The following EPX variants were observed in gnomAD, a reference collection of about 807,000 sequenced individuals.
EPX encodes the protein eosinophil peroxidase.
Under a neutral mutation model 73.0 loss-of-function variants are expected in EPX, and 60 were observed. The observed-to-expected ratio is 0.82, with a 90% CI of 0.67 to 1.02. The LOEUF is 1.02. Among genes scored for constraint, EPX ranks in the 50% least tolerant of loss-of-function variants. EPX has a pLI of 0.00. For synonymous variants in EPX, 347 were observed against 389.2 expected (o/e 0.89, Z 1.28); for missense variants, 950 against 973.9 (o/e 0.98, Z 0.33).
chr17:58,197,173 C>T lies in EPX; in HGVS notation c.1036C>T (p.Arg346Trp), dbSNP rs144510100. Residue 346 changes from arginine (R) to tryptophan (W), a missense_variant, in exon 7 of 13, where the codon CGG (arginine) becomes TGG (tryptophan). Physicochemically the swap from Arg to Trp is moderately radical, Grantham distance 101 (BLOSUM62 -3). Coordinates refer to ENST00000225371, the MANE Select transcript of EPX (RefSeq NM_000502.6). ...CAACCAGCGCTTTCAAGACAACGGC[C>T]GGGCCCTGCTGCCCTTCGACAACCT... ...AINQRFQDNG[R>W]ALLPFDNLHD... 48 of 1,614,068 alleles carry T rather than the reference C, an allele frequency of 3.0e-5. No homozygotes were observed. In the East Asian group the frequency reaches 7.8e-4, roughly 26 times the overall value.
Position 58,193,751 on chromosome 17 carries a change from G to A in EPX, c.384G>A (p.Gln128=), listed in dbSNP as rs1226688425. 2.5e-6 allele frequency: 4 copies of A among 1,612,488 alleles called. No individual in the cohort carries two copies. Among genetic ancestry groups the A allele is most frequent in the Non-Finnish European group, 3.4e-6 (4 of 1,179,938 alleles). The change falls in exon 4 of 13, where the codon CAG becomes CAA. Residue 128 remains glutamine (Q), a synonymous_variant. Coordinates refer to ENST00000225371, the MANE Select transcript of EPX (RefSeq NM_000502.6). ...LTEPQLRLLS[Q]ASGCALRDQA... Reference sequence around the variant, plus strand: ...AACCACAGCTGCGGCTGCTGTCCCAGGCCAGTGGCTGTGCTCTCCGGGACC... The same window carrying A: ...AACCACAGCTGCGGCTGCTGTCCCAAGCCAGTGGCTGTGCTCTCCGGGACC...
In EPX at chr17:58,193,332, C is replaced by T. The variant is rs377239846; in HGVS notation, c.171-39C>T. ...ACTGGGTCTCTGCTGGGTGGGTCTG[C>T]ACCCTCTCTCCAGCCCTCACTCCTC... On this transcript the variant is annotated intron_variant, in intron 2 of 12. Coordinates refer to ENST00000225371, the MANE Select transcript of EPX (RefSeq NM_000502.6). 698 of 1,609,136 alleles carry T rather than the reference C, an allele frequency of 4.3e-4. 4 individuals carry two copies. The highest frequency in any genetic ancestry group is 5.5e-4 in the Non-Finnish European group (647 of 1,175,864).
At chr17:58,199,263 A>C in intron 8 of EPX, 63 bp downstream of exon 8, 2 of 1,553,596 alleles carry the variant, frequency 1.3e-6, no homozygotes, top group Non-Finnish European at 1.8e-6. Context: ...GCAGTCCTTA[A>C]CACATCCTTG....
intron 3 of EPX, 55 bp downstream of exon 3, chr17:58,193,601 A>G: frequency 6.3e-7 from 1 of 1,588,100 alleles, no homozygotes; most frequent in Non-Finnish European, 8.6e-7. Flanking sequence ...AGTAGAAGGA[A>G]TCCAGGAGAG....
chr17:58,198,973 G>T (rs958322870), intron 7 of EPX, 67 bp from the exon 8 acceptor site: 2 of 1,551,778 alleles, frequency 1.3e-6, no homozygotes, highest in Non-Finnish European at 1.8e-6. Flanking sequence ...CCAGCCCTGG[G>T]TCTACCCTGG....
At position 58,193,573 on chromosome 17, in the gene EPX, G is replaced by A. The variant is rs774731410; in HGVS notation, c.346+27G>A. On this transcript the variant is annotated intron_variant, in intron 3 of 12. Coordinates refer to ENST00000225371, the MANE Select transcript of EPX (RefSeq NM_000502.6). ...TACTCTGATCCCCACTGAGCCCGCT[G>A]GGCCTACCCTGGCCTGGAGTAGAAG... is the stretch of plus-strand genomic sequence containing the variant. 12 of 1,612,140 alleles carry A rather than the reference G, an allele frequency of 7.4e-6. No individual in the cohort carries two copies. In the African/African-American group the frequency reaches 1.3e-4, roughly 18 times the overall value.
At chr17:58,204,135 A>G (rs1968391854) in intron 11 of EPX, 87 bp from the exon 12 acceptor site, 1 of 903,984 alleles carries the variant, frequency 1.1e-6, no homozygotes, top group Non-Finnish European at 1.9e-6. Context: ...ATGGAATAAT[A>G]TATGTAAAGT....
At chr17:58,201,758 C>T (rs33963229) in intron 10 of EPX, among the ~76,000 whole-genome samples, 2,056 of 152,214 alleles carry the variant, frequency 0.014, 24 homozygotes, top group Middle Eastern at 0.024. Flanking sequence ...TCCTGTGGAA[C>T]GTTTCACTTT....
intron 10 of EPX, chr17:58,202,321 G>C (rs574519215): frequency 3.3e-5 from 5 of 152,516 alleles, no homozygotes; most frequent in East Asian, 3.9e-4. Flanking sequence ...GGCCCTGCGT[G>C]GGATCCTGAT....
chr17:58,196,783 G>A (rs1282892844), intron 6 of EPX, among the ~76,000 whole-genome samples, 156 bp from the exon 7 acceptor site: 1 of 152,166 alleles, frequency 6.6e-6, no homozygotes, highest in Non-Finnish European at 1.5e-5. Context: ...AGGACACTCA[G>A]ACTGACGGGG....
Position 58,204,351 on chromosome 17 carries a change from C to T in EPX, c.2076C>T (p.Asn692=). Residue 692 remains asparagine, a synonymous_variant, in exon 12 of 13, where the codon AAC becomes AAT. Transcript: ENST00000225371. ...TTVSRDIFRA[N]IYPRGFVNCS... ...TTTCAAGGGACATCTTCAGAGCCAA[C>T]ATCTACCCTCGGGGCTTTGTGAACT... 2 of 1,614,086 alleles carry T rather than the reference C, an allele frequency of 1.2e-6. No individual in the cohort carries two copies. The highest frequency in any genetic ancestry group is 1.1e-5 in the South Asian group (1 of 91,080).
intron 8 of EPX, 75 bp downstream of exon 8, chr17:58,199,275 G>A (rs926663212): frequency 3.0e-5 from 46 of 1,508,664 alleles, no homozygotes; most frequent in East Asian, 1.4e-4. Flanking sequence ...ACATCCTTGC[G>A]GATGTGCCTA....
rs970171885 is a variant in EPX at position 58,202,887 on chromosome 17, T to C, written c.1709-194T>C. 10 of 637,162 alleles carry C rather than the reference T, an allele frequency of 1.6e-5. 1 individual carries two copies. The Admixed American group carries it at 1.6e-4, about 10-fold the overall frequency. 39.5% of individuals were successfully genotyped at this position (637,162 alleles called of 1,614,324 possible). A position where few individuals can be genotyped will look rare whatever the true frequency, so the allele number is the denominator to read the frequency against. On this transcript the variant is annotated intron_variant, in intron 10 of 12. Coordinates refer to ENST00000225371, the MANE Select transcript of EPX (RefSeq NM_000502.6). Reference sequence around the variant, plus strand: ...TCAGTCTGATGCACACTGAGCACAGTTGTCCACTCACATTTTCAATCAGAG... The same window carrying C: ...TCAGTCTGATGCACACTGAGCACAGCTGTCCACTCACATTTTCAATCAGAG...
chr17:58,194,778 A>G (rs1307829803), intron 5 of EPX, among the ~76,000 whole-genome samples, 186 bp from the exon 6 acceptor site: 1 of 152,190 alleles, frequency 6.6e-6, no homozygotes, highest in Non-Finnish European at 1.5e-5. Context: ...CCAGCCAGAA[A>G]CCATCCTTCT....
chr17:58,202,806 G>T, intron 10 of EPX: 1 of 477,446 alleles, frequency 2.1e-6, no homozygotes, highest in Non-Finnish European at 3.8e-6. Context: ...ACTAAGTGTC[G>T]GATTTGTGGT....
chr17:58,204,446 CCACCTCCAG>C lies in EPX; in HGVS notation c.*11+17_*11+25del, dbSNP rs1162385227. ...TGAGGCTTCTGCAGGTAAGGGGAGG[CCACCTCCAG>C]CACCCTGGGCTGGGTTAAGCCCTCA... On this transcript the variant is annotated intron_variant, in intron 12 of 12. Transcript: ENST00000225371. 6.4e-7 allele frequency: 1 copy of C among 1,550,872 alleles called. No individual in the cohort carries two copies. The highest frequency in any genetic ancestry group is 2.2e-5 in the East Asian group (1 of 44,582).
At position 58,193,073 on chromosome 17, in the gene EPX, G is replaced by C. The variant is rs2143703082; in HGVS notation, c.112G>C (p.Asp38His). The change falls in exon 2 of 13, where the codon GAC (aspartate) becomes CAC (histidine). Residue 38 changes from aspartate to histidine, a missense_variant. Asp to His is a moderately conservative substitution (Grantham distance 81). Transcript: ENST00000225371. ...PGAVETSVLRDCIAEAKLLVD... is the reference protein window; with the variant it reads ...PGAVETSVLRHCIAEAKLLVD... ...GGCAGTGGAGACCTCGGTCCTGCGA[G>C]ACTGCATAGCAGAGGCCAAGTTGCT... is the stretch of plus-strand genomic sequence containing the variant. The C allele has an allele frequency of 6.2e-7, 1 of 1,613,662 alleles. No individual in the cohort carries two copies. The highest frequency in any genetic ancestry group is 2.2e-5 in the East Asian group (1 of 44,874).
chr17:58,203,502 G>C lies in EPX; in HGVS notation c.1946+184G>C, dbSNP rs565807326. On this transcript the variant is annotated intron_variant, in intron 11 of 12. Transcript: ENST00000225371. Reference sequence around the variant, plus strand: ...CAAAGGAAGAGAGACACTGACCCAGGCAAGGCCCATATTGCCTGAGCTGGA... The same window carrying C: ...CAAAGGAAGAGAGACACTGACCCAGCCAAGGCCCATATTGCCTGAGCTGGA... Among the ~76,000 whole-genome samples, 7 of 152,266 alleles carry C rather than the reference G, an allele frequency of 4.6e-5. No homozygotes were observed. The South Asian group carries it at 1.5e-3, about 32-fold the overall frequency.
chr17:58,204,252 C>T lies in EPX; in HGVS notation c.1977C>T (p.Thr659=). The change falls in exon 12 of 13, where the codon ACC becomes ACT. Residue 659 remains threonine, a synonymous_variant. Coordinates refer to ENST00000225371, the MANE Select transcript of EPX (RefSeq NM_000502.6). ...GGTGGCAGAAACGAGGTGTTTTCAC[C>T]AAAAGACAGCGCAAGGCCCTGAGCA... ...RFWWQKRGVF[T]KRQRKALSRI... 1.9e-6 allele frequency: 3 copies of T among 1,614,110 alleles called. No individual in the cohort carries two copies. The highest frequency in any genetic ancestry group is 2.5e-6 in the Non-Finnish European group (3 of 1,179,994).
Sources: allele counts gnomAD v4.1 joint callset (sites outside exome capture counted in the v4.1 genomes callset), GRCh38; gene constraint gnomAD v4.1.1; transcripts MANE v1.5; gene names NCBI Gene and HGNC (gene_info 2026-07-23, HGNC 2026-07-21).